Variants in MBD5 observed in about 807,000 individuals in gnomAD.
MBD5 encodes the protein methyl-CpG binding domain protein 5, also known as methyl-CpG-binding domain protein 5.
Under a neutral mutation model 117.3 loss-of-function variants are expected in MBD5, and 13 were observed. The observed-to-expected ratio is 0.11, with a 90% confidence interval of 0.07 to 0.18. The LOEUF is 0.18. Ranked by LOEUF, MBD5 falls within the 10% of genes least tolerant of loss-of-function variation. MBD5 has a pLI of 1.00. For missense variants in MBD5, 1,879 were observed against 2,093.8 expected, an observed-to-expected ratio of 0.90 and a Z score of 2.00; for synonymous variants, 727 against 766.4, an observed-to-expected ratio of 0.95 and a Z score of 0.85.
intron 4 of MBD5, among the ~76,000 whole-genome samples, chr2:148,431,194 G>A (rs1705972440): frequency 6.6e-6 from 1 of 152,012 alleles, no homozygotes; most frequent in Non-Finnish European, 1.5e-5. Context: ...AAAGGCTGGT[G>A]TTAAAACTTT....
At chr2:148,454,509 A>C (rs1409218602) in intron 4 of MBD5, among the ~76,000 whole-genome samples, 8 of 152,194 alleles carry the variant, frequency 5.3e-5, no homozygotes. Context: ...TATTTATATA[A>C]AATTTCAAAA....
chr2:148,468,576 A>G lies in MBD5; in HGVS notation c.633A>G (p.Lys211=), dbSNP rs747595019. 5 of 1,613,906 alleles carry G rather than the reference A, an allele frequency of 3.1e-6. No individual in the cohort carries two copies. The highest frequency in any genetic ancestry group is 4.2e-6 in the Non-Finnish European group (5 of 1,179,880). The change falls in exon 8 of 14, where the codon AAA becomes AAG. Residue 211 remains lysine (K), a synonymous_variant. Transcript: ENST00000642680. The part of the protein sequence containing the change: ...QRLGSSEHGQ[K]SPFRGSHGGL... ...TGGGCAGCAGTGAACATGGACAGAAATCTCCATTCCGTGGCAGCCATGGAG... is the reference window on the plus strand; with the variant it reads ...TGGGCAGCAGTGAACATGGACAGAAGTCTCCATTCCGTGGCAGCCATGGAG...
intron 3 of MBD5, chr2:148,296,268 G>A (rs918307281): frequency 1.1e-5 from 2 of 181,466 alleles, no homozygotes; most frequent in Non-Finnish European, 2.4e-5. Context: ...ATTGTATTTA[G>A]TAGGTAATTT....
chr2:148,113,087 G>A (rs1420437050), intron 1 of MBD5, among the ~76,000 whole-genome samples: 1 of 152,184 alleles, frequency 6.6e-6, no homozygotes, highest in Non-Finnish European at 1.5e-5. Context: ...CGTACAGTGA[G>A]TCAGCCATGC....
At chr2:148,200,944 A>C (rs2105954307) in intron 2 of MBD5, among the ~76,000 whole-genome samples, 1 of 152,308 alleles carries the variant, frequency 6.6e-6, no homozygotes, top group African/African-American at 2.4e-5. Flanking sequence ...TGATCCATTT[A>C]TTTATTTGTT....
At chr2:148,431,619 A>G (rs890933704) in intron 4 of MBD5, among the ~76,000 whole-genome samples, 1 of 152,106 alleles carries the variant, frequency 6.6e-6, no homozygotes, top group African/African-American at 2.4e-5. Flanking sequence ...GCTTGCACTT[A>G]TAAGTGAGAA....
At chr2:148,429,699 A>T (rs1453553166) in intron 4 of MBD5, among the ~76,000 whole-genome samples, 1 of 152,154 alleles carries the variant, frequency 6.6e-6, no homozygotes, top group African/African-American at 2.4e-5. Flanking sequence ...CTTTGCAGGG[A>T]CATAGATGAA....
intron 1 of MBD5, among the ~76,000 whole-genome samples, chr2:148,037,921 A>T (rs949925284): frequency 6.6e-6 from 1 of 152,020 alleles, no homozygotes; most frequent in Non-Finnish European, 1.5e-5. Flanking sequence ...ACAAAAGAAC[A>T]AACAGTTCTT....
At chr2:148,048,167 A>G (rs1032648218) in intron 1 of MBD5, among the ~76,000 whole-genome samples, 1 of 152,190 alleles carries the variant, frequency 6.6e-6, no homozygotes, top group African/African-American at 2.4e-5. Flanking sequence ...AAAAAAGGTT[A>G]CTAACTACCT....
At chr2:148,348,112 C>A (rs1264587172) in intron 4 of MBD5, among the ~76,000 whole-genome samples, 1 of 151,988 alleles carries the variant, frequency 6.6e-6, no homozygotes, top group African/African-American at 2.4e-5. Context: ...AACACTATAT[C>A]CCCAGCACAA....
At chr2:148,273,567 G>C (rs1458247717) in intron 3 of MBD5, among the ~76,000 whole-genome samples, 3 of 151,892 alleles carry the variant, frequency 2.0e-5, no homozygotes, top group African/African-American at 7.3e-5. Context: ...CCACCCTCAG[G>C]AATAGAAACA....
chr2:148,038,057 G>A (rs1391964085), intron 1 of MBD5, among the ~76,000 whole-genome samples: 1 of 151,772 alleles, frequency 6.6e-6, no homozygotes, highest in African/African-American at 2.4e-5. Flanking sequence ...ACCCAGAAAA[G>A]GTCTCTTATC....
chr2:148,045,850 A>C (rs1045657543), intron 1 of MBD5, among the ~76,000 whole-genome samples: 2 of 152,104 alleles, frequency 1.3e-5, no homozygotes, highest in Non-Finnish European at 2.9e-5. Flanking sequence ...AAATTTTGAA[A>C]ACTTCCCCTC....
chr2:148,273,893 G>A (rs2106352675), intron 3 of MBD5, among the ~76,000 whole-genome samples: 1 of 152,282 alleles, frequency 6.6e-6, no homozygotes, highest in South Asian at 2.1e-4. Context: ...GTCCCTTATT[G>A]ATATGGGAAG....
intron 2 of MBD5, among the ~76,000 whole-genome samples, chr2:148,221,269 C>A (rs892058917): frequency 1.3e-5 from 2 of 152,126 alleles, no homozygotes; most frequent in African/African-American, 4.8e-5. Flanking sequence ...ACGCTGATTT[C>A]TTTTGGGTAT....
At chr2:148,137,616 G>A (rs190894563) in intron 1 of MBD5, among the ~76,000 whole-genome samples, 1 of 152,254 alleles carries the variant, frequency 6.6e-6, no homozygotes, top group Non-Finnish European at 1.5e-5. Context: ...ATCGAATCGA[G>A]TCGTACCTAT....
intron 1 of MBD5, among the ~76,000 whole-genome samples, chr2:148,091,221 G>A (rs1020873066): frequency 3.3e-5 from 5 of 152,110 alleles, no homozygotes; most frequent in Admixed American, 2.6e-4. Context: ...TTCTGAAAAT[G>A]ACCTTACTGC....
At chr2:148,496,448 C>G (rs1287695911) in intron 11 of MBD5, among the ~76,000 whole-genome samples, 1 of 152,034 alleles carries the variant, frequency 6.6e-6, no homozygotes, top group Non-Finnish European at 1.5e-5. Flanking sequence ...TTTCCTGAGC[C>G]AGATTAAAGA....
chr2:148,354,653 A>C (rs1703330506), intron 4 of MBD5, among the ~76,000 whole-genome samples: 1 of 152,202 alleles, frequency 6.6e-6, no homozygotes. Flanking sequence ...GCTGGGTCAA[A>C]TGGCATTTCC....
Sources: allele counts gnomAD v4.1 joint callset (sites outside exome capture counted in the v4.1 genomes callset), GRCh38; gene constraint gnomAD v4.1.1; transcripts MANE v1.5; gene names NCBI Gene and HGNC (gene_info 2026-07-23, HGNC 2026-07-21).